Variants in TNFAIP6 observed in about 807,000 individuals in gnomAD.
TNFAIP6 encodes the protein TNF alpha induced protein 6.
TNFAIP6 carries 36 observed loss-of-function variants against 33.7 expected under a neutral mutation model. The ratio of observed to expected loss-of-function variants is 1.07; its 90% CI spans 0.82 to 1.41. The LOEUF is 1.41. Ranked by LOEUF, TNFAIP6 falls within the 40% of genes most tolerant of loss-of-function variation. The pLI, the probability that TNFAIP6 is intolerant of heterozygous loss-of-function variation, is 0.00. For missense variants in TNFAIP6, 273 were observed against 331.9 expected, an observed-to-expected ratio of 0.82 and a Z score of 1.38; for synonymous variants, 113 against 112.8, an observed-to-expected ratio of 1.00 and a Z score of -0.01.
At chr2:151,363,475 G>A (rs1206756910) in intron 1 of TNFAIP6, among the ~76,000 whole-genome samples, 1 of 146,018 alleles carries the variant, frequency 6.8e-6, no homozygotes, top group East Asian at 2.0e-4. Flanking sequence ...GGCTAACACG[G>A]TGAAACCCTG....
At chr2:151,373,668 A>T in intron 5 of TNFAIP6, 79 bp downstream of exon 5, 1 of 693,672 alleles carries the variant, frequency 1.4e-6, no homozygotes, top group Non-Finnish European at 2.2e-6. Flanking sequence ...ACTGTTAAAT[A>T]GTAAATAGTA....
chr2:151,357,782 C>T, intron 1 of TNFAIP6, 22 bp downstream of exon 1: 1 of 1,425,656 alleles, frequency 7.0e-7, no homozygotes, highest in African/African-American at 1.4e-5. Context: ...CACTCATGAG[C>T]CTCTTGTTGA....
intron 2 of TNFAIP6, among the ~76,000 whole-genome samples, 193 bp from the exon 3 acceptor site, chr2:151,365,863 A>G (rs1310710695): frequency 6.6e-6 from 1 of 152,178 alleles, no homozygotes; most frequent in African/African-American, 2.4e-5. Flanking sequence ...TAGTTTTCCA[A>G]TAAAAATCAG....
At chr2:151,366,545 CT>C (rs1684713105) in intron 3 of TNFAIP6, among the ~76,000 whole-genome samples, 2 of 152,118 alleles carry the variant, frequency 1.3e-5, no homozygotes, top group African/African-American at 2.4e-5. Context: ...GAATTCAGAT[CT>C]TCTCTGTGCC....
intron 1 of TNFAIP6, among the ~76,000 whole-genome samples, chr2:151,358,443 T>C (rs562216720): frequency 2.6e-5 from 4 of 152,266 alleles, no homozygotes; most frequent in African/African-American, 9.6e-5. Context: ...AGATAAACAA[T>C]AGATCAAAAA....
intron 3 of TNFAIP6, among the ~76,000 whole-genome samples, chr2:151,368,979 G>C (rs192688511): frequency 2.2e-4 from 34 of 152,318 alleles, no homozygotes; most frequent in Admixed American, 5.2e-4. Context: ...GATCACCAGA[G>C]GTCAGGAGTT....
At chr2:151,374,993 C>T (rs1341440206) in intron 5 of TNFAIP6, among the ~76,000 whole-genome samples, 1 of 151,970 alleles carries the variant, frequency 6.6e-6, no homozygotes, top group Non-Finnish European at 1.5e-5. Context: ...GGCGTGGAGG[C>T]ACATGCCTGT....
chr2:151,368,766 T>C (rs1684760244), intron 3 of TNFAIP6, among the ~76,000 whole-genome samples: 1 of 152,100 alleles, frequency 6.6e-6, no homozygotes, highest in African/African-American at 2.4e-5. Context: ...ATAATGATTT[T>C]CCAAGCAGAA....
intron 4 of TNFAIP6, among the ~76,000 whole-genome samples, chr2:151,371,536 G>T (rs990865838): frequency 6.6e-6 from 1 of 151,964 alleles, no homozygotes; most frequent in Non-Finnish European, 1.5e-5. Flanking sequence ...CAAAAATGAA[G>T]AGTTTTTTAA....
chr2:151,357,911 GC>G (rs1684563217), intron 1 of TNFAIP6, 151 bp downstream of exon 1: 1 of 449,380 alleles, frequency 2.2e-6, no homozygotes, highest in Non-Finnish European at 3.9e-6. Context: ...GAATACATAC[GC>G]TTTTTTTTTT....
intron 1 of TNFAIP6, among the ~76,000 whole-genome samples, chr2:151,357,976 T>G (rs573663007): frequency 6.6e-6 from 1 of 152,148 alleles, no homozygotes; most frequent in Non-Finnish European, 1.5e-5. Flanking sequence ...AAGTGAATTG[T>G]TCAGTAGAAA....
chr2:151,370,198 T>C lies in TNFAIP6; in HGVS notation c.573T>C (p.Asp191=), dbSNP rs1573783336. 2 of 1,614,178 alleles carry C rather than the reference T, an allele frequency of 1.2e-6. No individual in the cohort carries two copies. The highest frequency in any genetic ancestry group is 2.7e-5 in the African/African-American group (2 of 75,064). Residue 191 remains aspartate, a synonymous_variant, in exon 4 of 6, where the codon GAT becomes GAC. Transcript: ENST00000243347. ...DLEDDPGCLA[D]YVEIYDSYDD... ...AAGATGACCCAGGTTGCTTGGCTGA[T>C]TATGTTGAAATATATGACAGTTACG...
At chr2:151,360,636 A>G (rs772624739) in intron 1 of TNFAIP6, among the ~76,000 whole-genome samples, 7 of 152,220 alleles carry the variant, frequency 4.6e-5, no homozygotes, top group Non-Finnish European at 1.0e-4. Context: ...TTTTAATAAA[A>G]CACCTTATTT....
chr2:151,377,482 T>C (rs945418803), intron 5 of TNFAIP6, among the ~76,000 whole-genome samples: 12 of 97,714 alleles, frequency 1.2e-4, no homozygotes, highest in Admixed American at 4.3e-4. Context: ...TTTGTGTTTG[T>C]TTGTTTGTTT....
In TNFAIP6 at chr2:151,362,056, T is replaced by C. The variant is rs569753955; in HGVS notation, c.95-1887T>C. On this transcript the variant is annotated intron_variant, in intron 1 of 5. Coordinates refer to ENST00000243347, the MANE Select transcript of TNFAIP6 (RefSeq NM_007115.4). ...ATTTCTTGGTGCCAAGAAATATGTA[T>C]GTCCTCACTGCAAATGGTCCTAAGG... is the stretch of plus-strand genomic sequence containing the variant. Among the ~76,000 whole-genome samples the C allele has an allele frequency of 1.1e-4, 16 of 152,330 alleles. No homozygotes were observed. In the East Asian group the frequency reaches 2.9e-3, roughly 28 times the overall value.
At chr2:151,376,740 T>A (rs1684913187) in intron 5 of TNFAIP6, among the ~76,000 whole-genome samples, 1 of 152,082 alleles carries the variant, frequency 6.6e-6, no homozygotes, top group Non-Finnish European at 1.5e-5. Context: ...GGCATTTGAT[T>A]CTGATTTTTT....
intron 4 of TNFAIP6, 83 bp downstream of exon 4, chr2:151,370,331 C>T: frequency 1.0e-6 from 1 of 1,000,054 alleles, no homozygotes; most frequent in Non-Finnish European, 1.5e-6. Context: ...TCAACTGTCC[C>T]TATAATATTG....
At position 151,366,496 on chromosome 2, in the gene TNFAIP6, C is replaced by G. The variant is rs1441486782; in HGVS notation, c.394+279C>G. 4.6e-5 allele frequency among the ~76,000 whole-genome samples: 7 copies of G among 152,196 alleles called. No homozygotes were observed. The East Asian group carries it at 1.4e-3, about 29-fold the overall frequency. ...TGAAACTTAGAGAATTAAGTAACCC[C>G]AAATCAGGAGTCAATAATGATTAGG... On this transcript the variant is annotated intron_variant, in intron 3 of 5. Coordinates refer to ENST00000243347, the MANE Select transcript of TNFAIP6 (RefSeq NM_007115.4).
At chr2:151,363,043 C>T (rs528707676) in intron 1 of TNFAIP6, among the ~76,000 whole-genome samples, 4 of 152,246 alleles carry the variant, frequency 2.6e-5, no homozygotes, top group Non-Finnish European at 2.9e-5. Context: ...AGGCCGGACA[C>T]GGAGTCTCAC....
Sources: gnomAD v4.1 joint callset for allele counts (sites outside exome capture counted in the v4.1 genomes callset) on GRCh38, gnomAD v4.1.1 for gene constraint, MANE v1.5 for transcripts, NCBI Gene and HGNC (gene_info 2026-07-23, HGNC 2026-07-21) for gene names.